The following GCKR variants were observed in gnomAD, a reference collection of about 807,000 sequenced individuals.
GCKR encodes the protein glucokinase regulator, also known as glucokinase regulatory protein.
In GCKR, 73 loss-of-function variants were observed where a neutral mutation model predicts 82.9. The ratio of observed to expected loss-of-function variants is 0.88; its 90% CI spans 0.73 to 1.07. The LOEUF (loss-of-function observed/expected upper bound fraction) is 1.07, where lower values mean the gene tolerates loss of function less well. Among genes scored for constraint, GCKR ranks in the 50% least tolerant of loss-of-function variants. GCKR has a pLI of 0.00. For synonymous variants in GCKR, 294 were observed against 291.8 expected (o/e 1.01, Z -0.08); for missense variants, 784 against 782.1 (o/e 1.00, Z -0.03).
chr2:27,498,703 C>T (rs780174034), intron 4 of GCKR, 21 bp from the exon 5 acceptor site: 15 of 1,487,114 alleles, frequency 1.0e-5, no homozygotes, highest in South Asian at 1.1e-5. Flanking sequence ...TACCTCTTTA[C>T]ATCCTCTCCC....
chr2:27,514,181 G>A (rs1461579942), intron 16 of GCKR, among the ~76,000 whole-genome samples: 1 of 151,846 alleles, frequency 6.6e-6, no homozygotes, highest in Non-Finnish European at 1.5e-5. Context: ...GTATGTGTGT[G>A]TTTATGTATA....
chr2:27,507,940 C>T (rs1283878638), intron 14 of GCKR, 37 bp from the exon 15 acceptor site: 2 of 1,442,462 alleles, frequency 1.4e-6, no homozygotes, highest in African/African-American at 1.4e-5. Context: ...AGCTGCACAG[C>T]CAGCCTTTCG....
At chr2:27,503,821 C>T (rs1314964868) in intron 9 of GCKR, among the ~76,000 whole-genome samples, 2 of 152,096 alleles carry the variant, frequency 1.3e-5, no homozygotes, top group South Asian at 2.1e-4. Context: ...CATTCCAACC[C>T]TCTCTCTCAA....
At chr2:27,507,388 G>A (rs1479772541) in intron 13 of GCKR, 77 bp downstream of exon 13, 1 of 930,044 alleles carries the variant, frequency 1.1e-6, no homozygotes, top group Non-Finnish European at 1.8e-6. Flanking sequence ...GGAAGGCGGA[G>A]CTAGGTGGGA....
chr2:27,512,242 A>G (rs1669902628), intron 16 of GCKR, among the ~76,000 whole-genome samples: 1 of 149,828 alleles, frequency 6.7e-6, no homozygotes, highest in Non-Finnish European at 1.5e-5. Context: ...TCTCAAAAAA[A>G]AAAAAAAAAA....
chr2:27,502,697 T>G (rs1256413652), intron 8 of GCKR, among the ~76,000 whole-genome samples: 1 of 152,162 alleles, frequency 6.6e-6, no homozygotes, highest in Non-Finnish European at 1.5e-5. Context: ...ATGTGAAACT[T>G]GTCTGCCCTA....
At chr2:27,517,112 A>G (rs921129195) in intron 16 of GCKR, among the ~76,000 whole-genome samples, 42 of 151,420 alleles carry the variant, frequency 2.8e-4, no homozygotes, top group Admixed American at 6.6e-5. Flanking sequence ...TCCTGGGTTC[A>G]AGTGATTCTC....
chr2:27,505,813 C>G lies in GCKR; in HGVS notation c.846C>G (p.Asp282Glu), dbSNP rs1266999846. ...TATTAGCAGCCCATAAGACTGTGGA[C>G]CAGGGCATTGCAGCATCTCAAAGGT... ...TLLLAAHKTVDQGIAASQRCL... is the reference protein window; with the variant it reads ...TLLLAAHKTVEQGIAASQRCL... Residue 282 changes from aspartate to glutamate, a missense_variant, in exon 10 of 19, where the codon GAC (aspartate) becomes GAG (glutamate). Coordinates refer to ENST00000264717, the MANE Select transcript of GCKR (RefSeq NM_001486.4). The G allele has an allele frequency of 1.3e-6, 2 of 1,583,496 alleles. No individual in the cohort carries two copies. The highest frequency in any genetic ancestry group is 1.7e-6 in the Non-Finnish European group (2 of 1,152,220).
At chr2:27,522,825 T>A (rs546420826) in intron 18 of GCKR, among the ~76,000 whole-genome samples, 1 of 152,176 alleles carries the variant, frequency 6.6e-6, no homozygotes, top group South Asian at 2.1e-4. Flanking sequence ...CTAATCTTAA[T>A]AACATCCTAT....
rs113883749 is a variant in GCKR at position 27,518,828 on chromosome 2, C to T, written c.1463C>T (p.Thr488Ile). The T allele has an allele frequency of 1.2e-6, 2 of 1,612,148 alleles. No homozygotes were observed. The change falls in exon 17 of 19, where the codon ACA becomes ATA. Residue 488 changes from threonine to isoleucine, a missense_variant. By Grantham distance (89) the Thr-to-Ile change is moderately conservative. Transcript: ENST00000264717. ...RELSTKWVLN[T>I]VSTGAHVLLG... is the part of the protein sequence containing the mutation. Reference sequence around the variant, plus strand: ...CTAAGCACCAAATGGGTGCTGAATACAGTGAGTACAGGTGCTCATGTGCTT... The same window carrying T: ...CTAAGCACCAAATGGGTGCTGAATATAGTGAGTACAGGTGCTCATGTGCTT...
Position 27,503,565 on chromosome 2 carries a change from G to T in GCKR, c.696G>T (p.Arg232=). ...CAACATTCCGACAAGTAGCAGAGCG[G>T]ATGCAGAAAATGCAGGAGAAACAGA... ...WSSTFRQVAE[R]MQKMQEKQKA... is the part of the protein sequence containing the mutation. The change falls in exon 9 of 19, where the codon CGG becomes CGT. Residue 232 remains arginine, a synonymous_variant. Transcript: ENST00000264717. 6.2e-7 allele frequency: 1 copy of T among 1,612,026 alleles called. No individual in the cohort carries two copies. The highest frequency in any genetic ancestry group is 8.5e-7 in the Non-Finnish European group (1 of 1,178,098).
At position 27,497,328 on chromosome 2, in the gene GCKR, AT is replaced by A; in HGVS notation, c.147del (p.Ile49MetfsTer5). 1.9e-6 allele frequency: 3 copies of A among 1,614,172 alleles called. No homozygotes were observed. Among genetic ancestry groups the A allele is most frequent in the Non-Finnish European group, 2.5e-6 (3 of 1,180,034 alleles). Reference sequence around the variant, plus strand: ...TCTAGACAAAGCAGATGCTGAGAACATTGTTCGACTGCTAGGGCAATGTGAT... The same window carrying A: ...TCTAGACAAAGCAGATGCTGAGAACATGTTCGACTGCTAGGGCAATGTGAT... ...QDLDKADAENIVRLLGQCDAE... is the reference protein window; with the variant it reads ...QDLDKADAENXVRLLGQCDAE... On this transcript the variant is annotated frameshift_variant, in exon 2 of 19. Coordinates refer to ENST00000264717, the MANE Select transcript of GCKR (RefSeq NM_001486.4). LOFTEE classifies it high-confidence loss of function.
Position 27,522,462 on chromosome 2 carries a change from G to A in GCKR, c.1575G>A (p.Arg525=). ...TGATCTTACCACTTCTTCCTTAGCG[G>A]TTCTCTGGACAGTCCAAGGCTCGAT... ...LFWRALAMLQ[R]FSGQSKARCI... Residue 525 remains arginine, a splice_region_variant and synonymous_variant, in exon 18 of 19, where the codon CGG becomes CGA. Transcript: ENST00000264717. 1 of 1,613,900 alleles carries A rather than the reference G, an allele frequency of 6.2e-7. No homozygotes were observed.
intron 7 of GCKR, 84 bp from the exon 8 acceptor site, chr2:27,501,051 T>G (rs1471783517): frequency 4.3e-6 from 4 of 936,396 alleles, no homozygotes; most frequent in Non-Finnish European, 7.1e-6. Context: ...ACAAGCATTC[T>G]GAAGGGTTCT....
chr2:27,512,971 A>G (rs1669925879), intron 16 of GCKR, among the ~76,000 whole-genome samples: 1 of 152,184 alleles, frequency 6.6e-6, no homozygotes, highest in African/African-American at 2.4e-5. Context: ...GCATAGGGGA[A>G]GTTGTGCCCT....
intron 16 of GCKR, among the ~76,000 whole-genome samples, chr2:27,517,052 C>T (rs960432029): frequency 6.8e-6 from 1 of 146,762 alleles, no homozygotes; most frequent in Non-Finnish European, 1.5e-5. Context: ...CTCATTCTGT[C>T]GCCAGGCTGG....
Position 27,507,681 on chromosome 2 carries a change from G to A in GCKR, c.1144G>A (p.Gly382Ser). 1.3e-6 allele frequency: 2 copies of A among 1,572,778 alleles called. No individual in the cohort carries two copies. Among genetic ancestry groups the A allele is most frequent in the African/African-American group, 1.3e-5 (1 of 74,098 alleles). The change falls in exon 14 of 19, where the codon GGT becomes AGT. Residue 382 changes from glycine to serine, a missense_variant and splice_region_variant. Gly to Ser is a moderately conservative substitution (Grantham distance 56). Transcript: ENST00000264717. Reference protein sequence around the residue: ...FNQKAELTNQGPQFTFSQEDF... With the variant: ...FNQKAELTNQSPQFTFSQEDF... Reference sequence around the variant, plus strand: ...ACCCTCCCATCTTCTTCTGCCCCAGGGTCCCCAGTTCACCTTCTCCCAGGA... The same window carrying A: ...ACCCTCCCATCTTCTTCTGCCCCAGAGTCCCCAGTTCACCTTCTCCCAGGA...
chr2:27,515,615 G>T (rs935002939), intron 16 of GCKR, among the ~76,000 whole-genome samples: 7 of 152,090 alleles, frequency 4.6e-5, no homozygotes, highest in Non-Finnish European at 7.4e-5. Context: ...CATGTTTTCT[G>T]CTAGTAGAGA....
chr2:27,505,854 A>C lies in GCKR; in HGVS notation c.869+18A>C, dbSNP rs373387310. On this transcript the variant is annotated intron_variant, in intron 10 of 18. Transcript: ENST00000264717. The stretch of plus-strand genomic sequence containing the variant: ...TCTCAAAGGTAGGGAGGATCTGGAT[A>C]AGAGAGAGCTCAGAGTCAGGCGAGT... 2 of 1,290,372 alleles carry C rather than the reference A, an allele frequency of 1.5e-6. No homozygotes were observed. Among genetic ancestry groups the C allele is most frequent in the African/African-American group, 2.9e-5 (2 of 68,738 alleles). 79.9% of individuals were successfully genotyped at this position (1,290,372 alleles called of 1,614,324 possible).
Sources: allele counts gnomAD v4.1 joint callset (sites outside exome capture counted in the v4.1 genomes callset), GRCh38; gene constraint gnomAD v4.1.1; transcripts MANE v1.5; gene names NCBI Gene and HGNC (gene_info 2026-07-23, HGNC 2026-07-21).